The following KNTC1 variants were observed in gnomAD, a reference collection of about 807,000 sequenced individuals.
KNTC1 encodes the protein kinetochore associated 1.
A neutral mutation model predicts 314.4 loss-of-function variants in KNTC1; 253 were observed. That is an observed-to-expected ratio of 0.80 (90% CI 0.73 to 0.89). The LOEUF is 0.89. Among genes scored for constraint, KNTC1 ranks in the 40% least tolerant of loss-of-function variants. The pLI is 0.00. For synonymous variants in KNTC1, 901 were observed against 901.4 expected (o/e 1.00, Z 0.01); for missense variants, 2,475 against 2,572.9 (o/e 0.96, Z 0.82).
chr12:122,543,747 A>C (rs1962532069), intron 7 of KNTC1, 113 bp downstream of exon 7: 1 of 648,294 alleles, frequency 1.5e-6, no homozygotes, highest in Non-Finnish European at 2.6e-6. Flanking sequence ...AATTATTATG[A>C]TATAACATTT....
rs60404988 is a variant in KNTC1, at chr12:122,554,076, A to AATATAT, written c.1272+2399_1272+2404dup. Among the ~76,000 whole-genome samples, 262 of 109,024 alleles carry AATATAT rather than the reference A, an allele frequency of 2.4e-3. 1 individual carries two copies. The highest frequency in any genetic ancestry group is 0.014 in the Middle Eastern group (3 of 208). 71.5% of individuals were successfully genotyped at this position (109,024 alleles called of 152,430 possible). A position where few individuals can be genotyped will look rare whatever the true frequency, so the allele number is the denominator to read the frequency against. ...CAGAATACTTCCTTAAAAAAAAAAA[A>AATATAT]ATATATATATATATATATATATATT... On this transcript the variant is annotated intron_variant, in intron 16 of 63. Transcript: ENST00000333479.
chr12:122,573,689 A>G (rs1964842432), intron 26 of KNTC1, among the ~76,000 whole-genome samples: 1 of 152,224 alleles, frequency 6.6e-6, no homozygotes, highest in Admixed American at 6.5e-5. Context: ...AGGTGGGACA[A>G]CTTGAAGCAA....
Position 122,574,377 on chromosome 12 carries a change from G to T in KNTC1, c.2379G>T (p.Thr793=). The change falls in exon 27 of 64, where the codon ACG becomes ACT. Residue 793 remains threonine, a synonymous_variant. Coordinates refer to ENST00000333479, the MANE Select transcript of KNTC1 (RefSeq NM_014708.6). ...AMAVIACLSD[T]DLIFDAVLKI... ...CAGTAATAGCGTGTTTATCTGACAC[G>T]GACGTAAGTAAATAGTGACCATTTG... 6.3e-7 allele frequency: 1 copy of T among 1,576,852 alleles called. No individual in the cohort carries two copies. The highest frequency in any genetic ancestry group is 8.7e-7 in the Non-Finnish European group (1 of 1,153,242).
intron 41 of KNTC1, 109 bp downstream of exon 41, chr12:122,590,844 GA>G (rs2138043397): frequency 9.3e-7 from 1 of 1,077,276 alleles, no homozygotes; most frequent in East Asian, 2.5e-5. Flanking sequence ...AAGAAATGTT[GA>G]GCTAACTCGT....
At chr12:122,571,853 A>C (rs1964708185) in intron 24 of KNTC1, among the ~76,000 whole-genome samples, 1 of 151,648 alleles carries the variant, frequency 6.6e-6, no homozygotes, top group African/African-American at 2.4e-5. Context: ...TTATACTTTT[A>C]GTAGAGACGG....
At chr12:122,535,495 T>C (rs1961724078) in intron 3 of KNTC1, among the ~76,000 whole-genome samples, 1 of 152,096 alleles carries the variant, frequency 6.6e-6, no homozygotes, top group Admixed American at 6.6e-5. Flanking sequence ...ATACAAAAAT[T>C]AGCTGGCCGT....
At chr12:122,600,050 G>T (rs1478355102) in intron 44 of KNTC1, among the ~76,000 whole-genome samples, 1 of 151,698 alleles carries the variant, frequency 6.6e-6, no homozygotes, top group Non-Finnish European at 1.5e-5. Context: ...AATGGTGTGT[G>T]GGTAGAAAGA....
chr12:122,540,044 A>G (rs1451982442), intron 5 of KNTC1, among the ~76,000 whole-genome samples: 2 of 151,678 alleles, frequency 1.3e-5, no homozygotes, highest in African/African-American at 2.4e-5. Flanking sequence ...TCGGCCTCCC[A>G]AAGTGCTGGG....
rs761413052 is a variant in KNTC1 at position 122,568,242 on chromosome 12, C to G, written c.1605-19C>G. ...AATTTTTTTTAAAACTGACTTTTTT[C>G]CCTTCTTTGTCTATTCAGTGGCAGT... On this transcript the variant is annotated intron_variant, in intron 20 of 63. Coordinates refer to ENST00000333479, the MANE Select transcript of KNTC1 (RefSeq NM_014708.6). The G allele has an allele frequency of 2.5e-6, 3 of 1,199,380 alleles. No homozygotes were observed. The highest frequency in any genetic ancestry group is 3.6e-6 in the Non-Finnish European group (3 of 827,156). The allele number at this position is 1,199,380 out of a possible 1,614,324, so 74.3% of individuals were successfully genotyped here. A position where few individuals can be genotyped will look rare whatever the true frequency, so the allele number is the denominator to read the frequency against.
chr12:122,542,994 C>A (rs1962465714), intron 6 of KNTC1, among the ~76,000 whole-genome samples: 2 of 152,036 alleles, frequency 1.3e-5, no homozygotes, highest in African/African-American at 4.8e-5. Flanking sequence ...CTCACTGCAA[C>A]CTCCGCTTCC....
At chr12:122,620,421 G>A in intron 59 of KNTC1, 58 bp from the exon 60 acceptor site, 3 of 1,528,350 alleles carry the variant, frequency 2.0e-6, no homozygotes, top group Non-Finnish European at 2.7e-6. Flanking sequence ...AGCTAGAAAG[G>A]CCAATATAAT....
chr12:122,548,029 A>G lies in KNTC1; in HGVS notation c.987+60A>G. 5 of 1,033,462 alleles carry G rather than the reference A, an allele frequency of 4.8e-6. No homozygotes were observed. The South Asian group carries it at 7.7e-5, about 16-fold the overall frequency. 64.0% of individuals were successfully genotyped at this position (1,033,462 alleles called of 1,614,324 possible). On this transcript the variant is annotated intron_variant, in intron 12 of 63. Coordinates refer to ENST00000333479, the MANE Select transcript of KNTC1 (RefSeq NM_014708.6). ...TATGTGTTAGAAAAAGCATTAGTGA[A>G]TACAAAAGTAGATGTTAAATAGTAC...
chr12:122,616,289 G>A (rs1873757392), intron 57 of KNTC1, among the ~76,000 whole-genome samples: 2 of 149,210 alleles, frequency 1.3e-5, no homozygotes, highest in Admixed American at 6.7e-5. Flanking sequence ...TTGAGATGGA[G>A]TCTCGCTCTG....
chr12:122,557,283 C>T, intron 16 of KNTC1, 101 bp from the exon 17 acceptor site: 1 of 1,134,022 alleles, frequency 8.8e-7, no homozygotes, highest in Non-Finnish European at 1.3e-6. Context: ...GAGGATTCAC[C>T]TTTTTGAAGT....
At chr12:122,617,172 C>T (rs1201516853) in intron 57 of KNTC1, among the ~76,000 whole-genome samples, 1 of 152,110 alleles carries the variant, frequency 6.6e-6, no homozygotes, top group Non-Finnish European at 1.5e-5. Context: ...CTGCTATGAA[C>T]ATTTGTGTAC....
Position 122,620,543 on chromosome 12 carries a change from C to A in KNTC1, c.6214C>A (p.Pro2072Thr), listed in dbSNP as rs377336279. The change falls in exon 60 of 64, where the codon CCG becomes ACG. Residue 2072 changes from proline (P) to threonine (T), a missense_variant. Pro to Thr is a conservative substitution (Grantham distance 38). Coordinates refer to ENST00000333479, the MANE Select transcript of KNTC1 (RefSeq NM_014708.6). ...CAGGCAGTATATCCAGTTAGAACTTCCGGCTTTTGCATTAGCTTGTCTGAT... is the reference window on the plus strand; with the variant it reads ...CAGGCAGTATATCCAGTTAGAACTTACGGCTTTTGCATTAGCTTGTCTGAT... ...VARQYIQLEL[P>T]AFALACLMLM... is the part of the protein sequence containing the mutation. 6 of 1,613,458 alleles carry A rather than the reference C, an allele frequency of 3.7e-6. No individual in the cohort carries two copies. The African/African-American group carries it at 4.0e-5, about 11-fold the overall frequency.
At chr12:122,546,496 A>T (rs933251988) in intron 9 of KNTC1, 126 bp from the exon 10 acceptor site, 6 of 694,932 alleles carry the variant, frequency 8.6e-6, no homozygotes, top group African/African-American at 1.8e-5. Flanking sequence ...AAATAGAGGC[A>T]GGAATAAAGG....
At chr12:122,621,671 A>T (rs1442245743) in intron 60 of KNTC1, among the ~76,000 whole-genome samples, 1 of 152,120 alleles carries the variant, frequency 6.6e-6, no homozygotes, top group Non-Finnish European at 1.5e-5. Flanking sequence ...TTGGCTTATT[A>T]ATTACATTTT....
chr12:122,595,559 T>C (rs1322062843), intron 43 of KNTC1, among the ~76,000 whole-genome samples: 1 of 152,200 alleles, frequency 6.6e-6, no homozygotes, highest in Non-Finnish European at 1.5e-5. Context: ...TTTGTCTCTG[T>C]GGATAGTGGG....
Sources: allele counts gnomAD v4.1 joint callset (sites outside exome capture counted in the v4.1 genomes callset), GRCh38; gene constraint gnomAD v4.1.1; transcripts MANE v1.5; gene names NCBI Gene and HGNC (gene_info 2026-07-23, HGNC 2026-07-21).